YTHDC1: variants seen among roughly 807,000 people sequenced by gnomAD.
YTHDC1 encodes the protein YTH domain-containing protein 1.
YTHDC1 carries 12 observed loss-of-function variants against 107.0 expected under a neutral mutation model. The observed-to-expected ratio is 0.11, with a 90% confidence interval of 0.07 to 0.18. The LOEUF (loss-of-function observed/expected upper bound fraction) is 0.18, where lower values mean the gene tolerates loss of function less well. Ranked by LOEUF, YTHDC1 falls within the 10% of genes least tolerant of loss-of-function variation. The pLI, the probability that YTHDC1 is intolerant of heterozygous loss-of-function variation, is 1.00. For missense variants in YTHDC1, 635 were observed against 898.8 expected (o/e 0.71, Z 3.75); for synonymous variants, 280 against 289.5 (o/e 0.97, Z 0.33).
chr4:68,311,257 C>CT lies in YTHDC1; in HGVS notation c.*2841dup, dbSNP rs1478381352. On this transcript the variant is annotated 3_prime_UTR_variant, in exon 17 of 17. Coordinates refer to ENST00000344157, the MANE Select transcript of YTHDC1 (RefSeq NM_001031732.4). ...ACTGAAACTACATGGACAATGGAAG[C>CT]TTGGAGATAATGGCCATTTTCTGAA... 1 of 152,008 alleles carries CT rather than the reference C, an allele frequency of 6.6e-6. No individual in the cohort carries two copies. Among genetic ancestry groups the CT allele is most frequent in the South Asian group, 2.1e-4 (1 of 4,820 alleles). 9.4% of individuals were successfully genotyped at this position (152,008 alleles called of 1,614,324 possible).
rs940686680 is a variant in YTHDC1, at chr4:68,311,287, T to C, written c.*2812A>G. The C allele has an allele frequency of 6.6e-6, 1 of 152,018 alleles. No individual in the cohort carries two copies. The highest frequency in any genetic ancestry group is 2.4e-5 in the African/African-American group (1 of 41,382). The allele number at this position is 152,018 out of a possible 1,614,324, so 9.4% of individuals were successfully genotyped here. A position where few individuals can be genotyped will look rare whatever the true frequency, so the allele number is the denominator to read the frequency against. Reference sequence around the variant, plus strand: ...AGATAATGGCCATTTTCTGAAAAATTAGACCATGCTTGAAAAAAAGCCATT... The same window carrying C: ...AGATAATGGCCATTTTCTGAAAAATCAGACCATGCTTGAAAAAAAGCCATT... On this transcript the variant is annotated 3_prime_UTR_variant, in exon 17 of 17. Transcript: ENST00000344157.
chr4:68,324,206 G>C lies in YTHDC1; in HGVS notation c.1367C>G (p.Thr456Ser). The change falls in exon 10 of 17, where the codon ACT (threonine) becomes AGT (serine). Residue 456 changes from threonine to serine, a missense_variant. By Grantham distance (58) the Thr-to-Ser change is moderately conservative. Transcript: ENST00000344157. ...DWICRRELPFTKSAHLTNPWN... is the reference protein window; with the variant it reads ...DWICRRELPFSKSAHLTNPWN... ...AGGATTGGTGAGATGAGCCGACTTA[G>C]TGAAGGGTAATTCACGCCTAAATAC... 1 of 1,613,902 alleles carries C rather than the reference G, an allele frequency of 6.2e-7. No homozygotes were observed. The highest frequency in any genetic ancestry group is 8.5e-7 in the Non-Finnish European group (1 of 1,179,800).
In YTHDC1 at chr4:68,337,242, TCATCTTCTTCTG is replaced by T. The variant is rs777038163; in HGVS notation, c.656_667del (p.Ala219_Asp222del). On this transcript the variant is annotated inframe_deletion, in exon 4 of 17. Transcript: ENST00000344157. ...CTCCTCTCCATCTTCATCCACCTCT[TCATCTTCTTCTG>T]CATCTTCTTCTACTTCTTCATCTTC... is the stretch of plus-strand genomic sequence containing the variant. 7.5e-6 allele frequency: 12 copies of T among 1,606,306 alleles called. No individual in the cohort carries two copies. The highest frequency in any genetic ancestry group is 5.5e-5 in the South Asian group (5 of 90,600).
intron 15 of YTHDC1, among the ~76,000 whole-genome samples, chr4:68,317,264 A>T (rs1721968604): frequency 6.6e-6 from 1 of 152,230 alleles, no homozygotes; most frequent in African/African-American, 2.4e-5. Context: ...TTTAAATGCC[A>T]TTTAAAAAAT....
rs1380298593 is a variant in YTHDC1, at chr4:68,311,821, T to A, written c.*2278A>T. The A allele has an allele frequency of 6.6e-6, 1 of 152,116 alleles. No individual in the cohort carries two copies. The highest frequency in any genetic ancestry group is 1.9e-4 in the East Asian group (1 of 5,178). 9.4% of individuals were successfully genotyped at this position (152,116 alleles called of 1,614,324 possible). On this transcript the variant is annotated 3_prime_UTR_variant, in exon 17 of 17. Coordinates refer to ENST00000344157, the MANE Select transcript of YTHDC1 (RefSeq NM_001031732.4). ...CTAATTGGATGGCACTTTAGAAAAA[T>A]CCTCTGCTTAAGCCTGAAGGAAATG... is the stretch of plus-strand genomic sequence containing the variant.
At chr4:68,334,012 A>G (rs879579117) in intron 4 of YTHDC1, among the ~76,000 whole-genome samples, 7 of 152,088 alleles carry the variant, frequency 4.6e-5, no homozygotes, top group Non-Finnish European at 1.0e-4. Flanking sequence ...TATCCCTACA[A>G]TTTTAATGGT....
At chr4:68,342,630 G>A (rs372392831) in intron 1 of YTHDC1, among the ~76,000 whole-genome samples, 3 of 152,092 alleles carry the variant, frequency 2.0e-5, no homozygotes, top group South Asian at 4.1e-4. Flanking sequence ...ATTTAAATAG[G>A]TCAATGTTAA....
chr4:68,337,169 TTCTTCC>T lies in YTHDC1; in HGVS notation c.735_740del (p.Glu248_Glu249del). 1 of 1,612,856 alleles carries T rather than the reference TTCTTCC, an allele frequency of 6.2e-7. No individual in the cohort carries two copies. Reference sequence around the variant, plus strand: ...CTCTCTCATCCTGTTCATATTCTTCTTCTTCCTCCTCCTCCTCCTCCTCTTCCTCCT... The same window carrying T: ...CTCTCTCATCCTGTTCATATTCTTCTTCCTCCTCCTCCTCCTCTTCCTCCT... On this transcript the variant is annotated inframe_deletion, in exon 4 of 17. Transcript: ENST00000344157.
Position 68,316,337 on chromosome 4 carries a change from C to G in YTHDC1, c.1936G>C (p.Ala646Pro). The change falls in exon 16 of 17, where the codon GCA becomes CCA. Residue 646 changes from alanine to proline, a missense_variant. Around this residue, in one of 5 missense-constraint regions of YTHDC1, gnomAD observed 256 missense variants for 372.9 expected, o/e 0.69. Transcript: ENST00000344157. The stretch of plus-strand genomic sequence containing the variant: ...ACTACTCGTTTATCTCTGTATCTTG[C>G]TTCATGTGGTACTGGATGATGTCCT... ...YSGHHPVPHE[A>P]RYRDKRVHDY... 6.2e-7 allele frequency: 1 copy of G among 1,613,268 alleles called. No homozygotes were observed. Among genetic ancestry groups the G allele is most frequent in the Non-Finnish European group, 8.5e-7 (1 of 1,179,552 alleles).
Position 68,310,948 on chromosome 4 carries a change from A to G in YTHDC1, c.*3151T>C, listed in dbSNP as rs1721260779. 6.6e-6 allele frequency: 1 copy of G among 152,210 alleles called. No homozygotes were observed. Among genetic ancestry groups the G allele is most frequent in the Non-Finnish European group, 1.5e-5 (1 of 68,048 alleles). 9.4% of individuals were successfully genotyped at this position (152,210 alleles called of 1,614,324 possible). ...ACACCTGTGATGGCAAAATACTCTGAAAAGTCAAACATTCAGGTGTTATAA... is the reference window on the plus strand; with the variant it reads ...ACACCTGTGATGGCAAAATACTCTGGAAAGTCAAACATTCAGGTGTTATAA... On this transcript the variant is annotated 3_prime_UTR_variant, in exon 17 of 17. Coordinates refer to ENST00000344157, the MANE Select transcript of YTHDC1 (RefSeq NM_001031732.4).
intron 1 of YTHDC1, among the ~76,000 whole-genome samples, chr4:68,342,634 A>T (rs1724965377): frequency 6.6e-6 from 1 of 152,178 alleles, no homozygotes; most frequent in Non-Finnish European, 1.5e-5. Flanking sequence ...AAATAGGTCA[A>T]TGTTAAAGCT....
chr4:68,349,652 C>G (rs377644154), intron 1 of YTHDC1, 74 bp downstream of exon 1: 12 of 417,202 alleles, frequency 2.9e-5, no homozygotes, highest in Non-Finnish European at 5.3e-5. Context: ...CCACCCCCAA[C>G]GACGACCACT....
In YTHDC1 at chr4:68,314,065, G is replaced by A. The variant is rs776881032; in HGVS notation, c.*34C>T. 106 of 1,576,462 alleles carry A rather than the reference G, an allele frequency of 6.7e-5. 1 individual carries two copies. The Admixed American group carries it at 2.0e-3, about 29-fold the overall frequency. The stretch of plus-strand genomic sequence containing the variant: ...ACAAAAAAAAAATACAAGATTTTTT[G>A]TATCTTTAAACAATCAGTGCTTCCA... On this transcript the variant is annotated 3_prime_UTR_variant, in exon 17 of 17. Transcript: ENST00000344157.
chr4:68,318,552 A>C lies in YTHDC1; in HGVS notation c.1791T>G (p.His597Gln). 6.2e-7 allele frequency: 1 copy of C among 1,613,172 alleles called. No homozygotes were observed. The highest frequency in any genetic ancestry group is 8.5e-7 in the Non-Finnish European group (1 of 1,179,638). ...GSYNDYVREF[H>Q]NMGPPPPWQG... ...GCCAAGGTGGTGGTGGTCCCATGTT[A>C]TGAAATTCCCTCACATAATCATTGT... Residue 597 changes from histidine to glutamine, a missense_variant, in exon 15 of 17, where the codon CAT becomes CAG. His to Gln is a conservative substitution (Grantham distance 24). Coordinates refer to ENST00000344157, the MANE Select transcript of YTHDC1 (RefSeq NM_001031732.4).
intron 1 of YTHDC1, among the ~76,000 whole-genome samples, chr4:68,346,638 CCATTAGT>C (rs1325934375): frequency 6.6e-6 from 1 of 152,160 alleles, no homozygotes; most frequent in African/African-American, 2.4e-5. Context: ...ATGTTACCTG[CCATTAGT>C]CATTTAGTAA....
At chr4:68,335,729 T>G (rs1226836052) in intron 4 of YTHDC1, among the ~76,000 whole-genome samples, 1 of 152,018 alleles carries the variant, frequency 6.6e-6, no homozygotes, top group East Asian at 1.9e-4. Context: ...AATGAAATAT[T>G]TATTATCTTA....
chr4:68,333,291 T>C lies in YTHDC1; in HGVS notation c.973+17A>G. The C allele has an allele frequency of 3.8e-6, 6 of 1,589,656 alleles. No homozygotes were observed. Among genetic ancestry groups the C allele is most frequent in the Non-Finnish European group, 5.2e-6 (6 of 1,163,552 alleles). On this transcript the variant is annotated intron_variant, in intron 5 of 16. Coordinates refer to ENST00000344157, the MANE Select transcript of YTHDC1 (RefSeq NM_001031732.4). Reference sequence around the variant, plus strand: ...TACATTAGAATCAAGTCAGATATGATCACAAAATGAGAATACCTGCATATG... The same window carrying C: ...TACATTAGAATCAAGTCAGATATGACCACAAAATGAGAATACCTGCATATG...
chr4:68,329,899 C>T (rs1318589573), intron 9 of YTHDC1, 103 bp downstream of exon 9: 20 of 801,026 alleles, frequency 2.5e-5, no homozygotes, highest in Non-Finnish European at 3.9e-5. Context: ...AGTTACTGAA[C>T]AAGGTAAGAT....
Position 68,320,174 on chromosome 4 carries a change from T to G in YTHDC1, c.1633A>C (p.Ser545Arg), listed in dbSNP as rs952881642. The G allele has an allele frequency of 6.2e-7, 1 of 1,610,542 alleles. No homozygotes were observed. The highest frequency in any genetic ancestry group is 8.5e-7 in the Non-Finnish European group (1 of 1,179,128). ...TAGTCAATCCTTGGTTTCTTTCTGC[T>G]GTTATGAATATCATAATCTTCTGGT... is the stretch of plus-strand genomic sequence containing the variant. ...RRPEDYDIHN[S>R]RKKPRIDYPP... The change falls in exon 12 of 17, where the codon AGC (serine) becomes CGC (arginine). Residue 545 changes from serine to arginine, a missense_variant. Transcript: ENST00000344157.
Sources: allele counts gnomAD v4.1 joint callset (sites outside exome capture counted in the v4.1 genomes callset), GRCh38; gene constraint gnomAD v4.1.1; regional missense constraint gnomAD v4.1.1; transcripts MANE v1.5; gene names NCBI Gene and HGNC (gene_info 2026-07-23, HGNC 2026-07-21).